IGFL4: variants seen among roughly 807,000 people sequenced by gnomAD.
IGFL4 encodes insulin growth factor-like family member 4.
Under a neutral mutation model 15.4 loss-of-function variants are expected in IGFL4, and 12 were observed. That is an observed-to-expected ratio of 0.78 (90% confidence interval 0.50 to 1.26). IGFL4 has a LOEUF of 1.26. Ranked by LOEUF, IGFL4 falls within the 50% of genes most tolerant of loss-of-function variation. The pLI, the probability that IGFL4 is intolerant of heterozygous loss-of-function variation, is 0.00. For synonymous variants in IGFL4, 54 were observed against 55.9 expected (o/e 0.97, Z 0.16); for missense variants, 126 against 147.8 (o/e 0.85, Z 0.76).
At chr19:46,049,931 C>CCCACCT (rs1969330467) in intron 2 of IGFL4, among the ~76,000 whole-genome samples, 2 of 152,338 alleles carry the variant, frequency 1.3e-5, no homozygotes, top group South Asian at 4.1e-4. Flanking sequence ...CTGCTACCTC[C>CCCACCT]ACCAGGGTAG....
intron 2 of IGFL4, chr19:46,059,487 G>C (rs953252735): frequency 1.3e-5 from 2 of 152,082 alleles, no homozygotes; most frequent in Middle Eastern, 3.2e-3. Context: ...TCTGACAAAA[G>C]GTGGTATCTG....
At chr19:46,062,140 AG>A (rs1479446490) in intron 1 of IGFL4, among the ~76,000 whole-genome samples, 1 of 152,204 alleles carries the variant, frequency 6.6e-6, no homozygotes, top group African/African-American at 2.4e-5. Context: ...TTTTAACCAT[AG>A]TGCTCTTAAA....
chr19:46,044,930 A>G (rs1305769043), upstream of IGFL4, among the ~76,000 whole-genome samples: 1 of 152,196 alleles, frequency 6.6e-6, no homozygotes, highest in Non-Finnish European at 1.5e-5. Flanking sequence ...AAACACCAAC[A>G]ACATCAGCAA....
chr19:46,045,068 CA>C (rs1969284976), upstream of IGFL4, among the ~76,000 whole-genome samples: 1 of 152,142 alleles, frequency 6.6e-6, no homozygotes, highest in Non-Finnish European at 1.5e-5. Context: ...TCTTCTCTTC[CA>C]AATGACCACA....
At chr19:46,044,516 G>A (rs1244679201), upstream of IGFL4, among the ~76,000 whole-genome samples, 1 of 152,110 alleles carries the variant, frequency 6.6e-6, no homozygotes, top group Non-Finnish European at 1.5e-5. Flanking sequence ...TGGGGGTGTC[G>A]TGGGGGCAGT....
intron 1 of IGFL4, among the ~76,000 whole-genome samples, chr19:46,073,275 A>G (rs1239604484): frequency 6.6e-6 from 1 of 152,232 alleles, no homozygotes; most frequent in Non-Finnish European, 1.5e-5. Context: ...AAATACTATC[A>G]TGATAGTGAT....
intron 2 of IGFL4, among the ~76,000 whole-genome samples, chr19:46,050,679 G>A (rs1312528453): frequency 2.6e-5 from 4 of 152,172 alleles, no homozygotes; most frequent in Non-Finnish European, 1.5e-5. Flanking sequence ...TATATTAAAC[G>A]TCCCAACCTA....
rs1424198648 is a variant in IGFL4, at chr19:46,040,299, C to T, written c.188G>A (p.Gly63Asp). 11 of 1,614,118 alleles carry T rather than the reference C, an allele frequency of 6.8e-6. No homozygotes were observed. Among genetic ancestry groups the T allele is most frequent in the Non-Finnish European group, 9.3e-6 (11 of 1,180,004 alleles). The stretch of plus-strand genomic sequence containing the variant: ...GCAGGGCCAGAAGGTGCAGCTGGAG[C>T]CGCAGAGCCGGGTCTGGTTCAAGTC... ...ILDLNQTRLC[G>D]SSCTFWPCFQ... is the part of the protein sequence containing the mutation. Residue 63 changes from glycine (G) to aspartate (D), a missense_variant, in exon 3 of 4, where the codon GGC becomes GAC. Coordinates refer to ENST00000377697, the MANE Select transcript of IGFL4 (RefSeq NM_001002923.3). The surrounding 1 kb of genome is among the most constrained non-coding windows in gnomAD (Gnocchi z 4.1).
At chr19:46,057,672 G>T (rs549929456) in intron 2 of IGFL4, 1 of 152,254 alleles carries the variant, frequency 6.6e-6, no homozygotes, top group South Asian at 2.1e-4. Context: ...TCAAGACTGG[G>T]TAATTGATAG....
At chr19:46,068,356 C>T (rs1969514568) in intron 1 of IGFL4, among the ~76,000 whole-genome samples, 1 of 152,182 alleles carries the variant, frequency 6.6e-6, no homozygotes, top group Admixed American at 6.5e-5. Context: ...ACCTCGAGCT[C>T]TGAGTGTCGA....
intron 2 of IGFL4, among the ~76,000 whole-genome samples, chr19:46,052,116 A>G (rs1053492209): frequency 2.0e-5 from 3 of 152,238 alleles, no homozygotes; most frequent in Non-Finnish European, 2.9e-5. Context: ...GACTTAAGCT[A>G]TACCCTAGAA....
intron 2 of IGFL4, among the ~76,000 whole-genome samples, chr19:46,049,876 AAC>A (rs1182173395): frequency 6.6e-6 from 1 of 152,180 alleles, no homozygotes; most frequent in Non-Finnish European, 1.5e-5. Flanking sequence ...CAGTGCACTT[AAC>A]ACACATACAG....
chr19:46,055,932 G>A (rs2216347), intron 2 of IGFL4, among the ~76,000 whole-genome samples: 129,696 of 152,096 alleles, frequency 0.85, 55,753 homozygotes, highest in African/African-American at 0.93. Context: ...GCCCACCACC[G>A]TGCCCAGCTA....
chr19:46,041,011 C>T, upstream of IGFL4: 1 of 1,539,526 alleles, frequency 6.5e-7, no homozygotes. Context: ...GGAAATGGGT[C>T]AGTGACTTTA....
chr19:46,055,539 T>C (rs1015790085), intron 2 of IGFL4, among the ~76,000 whole-genome samples: 4 of 152,208 alleles, frequency 2.6e-5, no homozygotes, highest in African/African-American at 9.7e-5. Context: ...TTCCAATCTT[T>C]TGAAATGAGG....
intron 2 of IGFL4, chr19:46,058,733 TGGATGCTGCCTA>T (rs1969417076): frequency 6.6e-6 from 1 of 152,228 alleles, no homozygotes; most frequent in South Asian, 2.1e-4. Context: ...CAACACCATG[TGGATGCTGCCTA>T]GGCTTGGAGC....
chr19:46,049,831 C>T (rs892379196), intron 2 of IGFL4, among the ~76,000 whole-genome samples: 2 of 152,186 alleles, frequency 1.3e-5, no homozygotes, highest in Non-Finnish European at 2.9e-5. Flanking sequence ...CTCTTAAAAG[C>T]GCCACCTCCT....
At chr19:46,061,017 C>T (rs539801895) in intron 1 of IGFL4, among the ~76,000 whole-genome samples, 4 of 152,252 alleles carry the variant, frequency 2.6e-5, no homozygotes, top group African/African-American at 9.6e-5. Flanking sequence ...ACCTTTTGTA[C>T]TTTTATTCCA....
At chr19:46,066,007 C>A (rs750822366) in intron 1 of IGFL4, among the ~76,000 whole-genome samples, 8 of 152,154 alleles carry the variant, frequency 5.3e-5, no homozygotes, top group Admixed American at 6.6e-5. Context: ...ATCAAAGTAG[C>A]CCCTGAGAGA....
Sources: allele counts gnomAD v4.1 joint callset (sites outside exome capture counted in the v4.1 genomes callset), GRCh38; gene constraint gnomAD v4.1.1; non-coding constraint Gnocchi (gnomAD v3.1); transcripts MANE v1.5; gene names NCBI Gene and HGNC (gene_info 2026-07-23, HGNC 2026-07-21).